The following DENND4C variants were observed in gnomAD, a reference collection of about 807,000 sequenced individuals.
The protein encoded by DENND4C is DENN domain containing 4C, also known as DENN domain-containing protein 4C.
Under a neutral mutation model 203.0 loss-of-function variants are expected in DENND4C, and 108 were observed. That is an observed-to-expected ratio of 0.53 (90% CI 0.46 to 0.62). DENND4C has a LOEUF of 0.62. Ranked by LOEUF, DENND4C falls within the 20% of genes least tolerant of loss-of-function variation. The probability of loss-of-function intolerance (pLI) is 0.00; values close to 1 mark genes in which losing one functional copy is unlikely to be tolerated. For missense variants in DENND4C, 2,481 were observed against 2,301.2 expected (o/e 1.08, Z -1.60); for synonymous variants, 871 against 792.4 (o/e 1.10, Z -1.67).
intron 4 of DENND4C, 82 bp from the exon 5 acceptor site, chr9:19,290,622 A>T: frequency 2.0e-6 from 2 of 978,358 alleles, no homozygotes; most frequent in Non-Finnish European, 2.7e-6. Flanking sequence ...TCGGCATTAA[A>T]ATATTCCATT....
At chr9:19,348,309 A>G (rs1344677176) in intron 23 of DENND4C, among the ~76,000 whole-genome samples, 1 of 152,228 alleles carries the variant, frequency 6.6e-6, no homozygotes, top group East Asian at 1.9e-4. Flanking sequence ...TCTAGAGTCC[A>G]TGCTCTTACC....
chr9:19,354,696 C>T (rs1436281356), intron 26 of DENND4C, among the ~76,000 whole-genome samples: 1 of 151,522 alleles, frequency 6.6e-6, no homozygotes, highest in Non-Finnish European at 1.5e-5. Context: ...GGAGTGCCCA[C>T]CACCATGCCC....
chr9:19,330,058 A>C (rs1818721436), intron 16 of DENND4C, among the ~76,000 whole-genome samples: 1 of 152,188 alleles, frequency 6.6e-6, no homozygotes, highest in African/African-American at 2.4e-5. Flanking sequence ...GGTATTTCCT[A>C]ATTTCATACA....
At chr9:19,371,951 T>TATA in intron 32 of DENND4C, 86 bp from the exon 33 acceptor site, 1 of 1,394,516 alleles carries the variant, frequency 7.2e-7, no homozygotes, top group Non-Finnish European at 9.9e-7. Context: ...TTCAAATACA[T>TATA]ATAATTTGAC....
At chr9:19,321,201 T>C (rs1439501108) in intron 12 of DENND4C, among the ~76,000 whole-genome samples, 1 of 152,234 alleles carries the variant, frequency 6.6e-6, no homozygotes, top group Non-Finnish European at 1.5e-5. Context: ...ACTGGAGACA[T>C]TGAAGCATGG....
At chr9:19,299,145 A>C (rs1838044650) in intron 7 of DENND4C, 84 bp from the exon 8 acceptor site, 4 of 972,530 alleles carry the variant, frequency 4.1e-6, no homozygotes, top group Non-Finnish European at 6.0e-6. Flanking sequence ...ATCTAAATAT[A>C]TAGATTTCAA....
intron 23 of DENND4C, among the ~76,000 whole-genome samples, chr9:19,348,541 G>A (rs961844324): frequency 2.0e-5 from 3 of 151,972 alleles, no homozygotes; most frequent in Non-Finnish European, 2.9e-5. Flanking sequence ...GTACTTTCAA[G>A]GTAATATAAT....
In DENND4C at chr9:19,335,045, A is replaced by G; in HGVS notation, c.2529A>G (p.Leu843=). The G allele has an allele frequency of 6.2e-7, 1 of 1,612,622 alleles. No homozygotes were observed. Among genetic ancestry groups the G allele is most frequent in the Non-Finnish European group, 8.5e-7 (1 of 1,179,436 alleles). ...ATCCTGTTTTAGCAGTGAGAGTCTT[A>G]TTTGAAATGAAAACTGCTAGGATAA... The part of the protein sequence containing the change: ...WGHPVLAVRV[L]FEMKTARIKP... The change falls in exon 18 of 33, where the codon TTA becomes TTG. Residue 843 remains leucine (L), a synonymous_variant. Transcript: ENST00000434457.
chr9:19,344,230 A>G (rs1311670992), intron 22 of DENND4C, among the ~76,000 whole-genome samples: 2 of 152,220 alleles, frequency 1.3e-5, no homozygotes, highest in Non-Finnish European at 1.5e-5. Context: ...GTAAAAAGCA[A>G]TGGATAAAAA....
At chr9:19,306,863 C>A (rs186720160) in intron 10 of DENND4C, among the ~76,000 whole-genome samples, 20 of 152,072 alleles carry the variant, frequency 1.3e-4, no homozygotes, top group Admixed American at 1.2e-3. Flanking sequence ...TCTCTGCAGT[C>A]TCCGCCTCCT....
intron 1 of DENND4C, among the ~76,000 whole-genome samples, chr9:19,274,522 C>G (rs1396808119): frequency 6.6e-6 from 1 of 152,160 alleles, no homozygotes; most frequent in Non-Finnish European, 1.5e-5. Flanking sequence ...CTCAAACTCC[C>G]AACCTCAGGT....
chr9:19,265,547 G>A (rs770787734), intron 1 of DENND4C, among the ~76,000 whole-genome samples: 4 of 151,922 alleles, frequency 2.6e-5, no homozygotes, highest in Non-Finnish European at 4.4e-5. Context: ...TTGGTGTGCT[G>A]TACCCATTAA....
At chr9:19,370,824 T>C (rs1828691746) in intron 31 of DENND4C, among the ~76,000 whole-genome samples, 1 of 152,236 alleles carries the variant, frequency 6.6e-6, no homozygotes. Flanking sequence ...GTGTGCGTAA[T>C]CGCGTATATC....
rs540079179 is a variant in DENND4C, at chr9:19,270,256, G to C, written c.-17-5902G>C. Among the ~76,000 whole-genome samples the C allele has an allele frequency of 1.2e-4, 18 of 152,216 alleles. No individual in the cohort carries two copies. The South Asian group carries it at 3.7e-3, about 32-fold the overall frequency. ...TGAGTCTCATCAGTACAGTAATATT[G>C]CCTGGCTACCACTGATGTTTATTCA... On this transcript the variant is annotated intron_variant, in intron 1 of 32. Coordinates refer to ENST00000434457, the MANE Select transcript of DENND4C (RefSeq NM_001330640.2).
At chr9:19,305,250 C>G in intron 9 of DENND4C, 102 bp from the exon 10 acceptor site, 2 of 999,570 alleles carry the variant, frequency 2.0e-6, no homozygotes, top group Non-Finnish European at 2.9e-6. Context: ...ACAAAACAGA[C>G]TTAACTGCTT....
chr9:19,373,005 G>C lies in DENND4C; in HGVS notation c.*832G>C, dbSNP rs1829099342. The C allele has an allele frequency of 6.6e-6, 1 of 152,050 alleles. No homozygotes were observed. The highest frequency in any genetic ancestry group is 2.4e-5 in the African/African-American group (1 of 41,402). 9.4% of individuals were successfully genotyped at this position (152,050 alleles called of 1,614,324 possible). On this transcript the variant is annotated 3_prime_UTR_variant, in exon 33 of 33. Coordinates refer to ENST00000434457, the MANE Select transcript of DENND4C (RefSeq NM_001330640.2). ...ATGTTGCAATACGGTTTTCTGAAAG[G>C]GGTCTCATTGACTATTAAATAAATG...
intron 15 of DENND4C, among the ~76,000 whole-genome samples, chr9:19,327,661 A>G (rs1818102141): frequency 1.3e-5 from 2 of 152,012 alleles, no homozygotes; most frequent in Non-Finnish European, 1.5e-5. Context: ...TTAAATACCT[A>G]TGCAAGGTAA....
intron 23 of DENND4C, among the ~76,000 whole-genome samples, chr9:19,349,208 C>G (rs1823554948): frequency 6.6e-6 from 1 of 151,928 alleles, no homozygotes; most frequent in African/African-American, 2.4e-5. Flanking sequence ...GGAGTTTGAG[C>G]CTAGCATGGG....
At chr9:19,276,661 G>C (rs891313109) in intron 2 of DENND4C, 182 bp downstream of exon 2, 2 of 396,426 alleles carry the variant, frequency 5.0e-6, no homozygotes, top group African/African-American at 4.1e-5. Flanking sequence ...CACCCTTACT[G>C]AATTTCTTTG....
Sources: allele counts gnomAD v4.1 joint callset (sites outside exome capture counted in the v4.1 genomes callset), GRCh38; gene constraint gnomAD v4.1.1; transcripts MANE v1.5; gene names NCBI Gene and HGNC (gene_info 2026-07-23, HGNC 2026-07-21).